ANGEL2: variants seen among roughly 807,000 people sequenced by gnomAD.
ANGEL2 encodes the protein angel homolog 2.
ANGEL2 carries 41 observed loss-of-function variants against 66.0 expected under a neutral mutation model. The ratio of observed to expected loss-of-function variants is 0.62; its 90% CI spans 0.48 to 0.81. ANGEL2 has a LOEUF of 0.81. Ranked by LOEUF, ANGEL2 falls within the 30% of genes least tolerant of loss-of-function variation. The pLI, the probability that ANGEL2 is intolerant of heterozygous loss-of-function variation, is 0.00. For synonymous variants in ANGEL2, 208 were observed against 226.5 expected (o/e 0.92, Z 0.73); for missense variants, 561 against 641.6 (o/e 0.87, Z 1.36).
At position 213,015,644 on chromosome 1, in the gene ANGEL2, C is replaced by T; in HGVS notation, c.28G>A (p.Gly10Ser). 6.2e-7 allele frequency: 1 copy of T among 1,614,180 alleles called. No homozygotes were observed. The highest frequency in any genetic ancestry group is 8.5e-7 in the Non-Finnish European group (1 of 1,180,042). MEAWRCVRK[G>S]YGHCVVGRGR... Reference sequence around the variant, plus strand: ...CTTCCCACCACACAGTGGCCGTAGCCCTTCCTCACACAGCGCCAGGCTTCC... The same window carrying T: ...CTTCCCACCACACAGTGGCCGTAGCTCTTCCTCACACAGCGCCAGGCTTCC... Residue 10 changes from glycine to serine, a missense_variant, in exon 1 of 9, where the codon GGC becomes AGC. Transcript: ENST00000366962.
chr1:213,015,812 G>T lies in ANGEL2; in HGVS notation c.-141C>A. ...GTCCTGGCTGCAAGGCATGCTGGGAGGTGCAGTCTCGCCGGCCGGCCTACA... is the reference window on the plus strand; with the variant it reads ...GTCCTGGCTGCAAGGCATGCTGGGATGTGCAGTCTCGCCGGCCGGCCTACA... On this transcript the variant is annotated 5_prime_UTR_variant, in exon 1 of 9. Transcript: ENST00000366962. 1 of 1,137,608 alleles carries T rather than the reference G, an allele frequency of 8.8e-7. No homozygotes were observed. Among genetic ancestry groups the T allele is most frequent in the Non-Finnish European group, 1.3e-6 (1 of 793,130 alleles). 70.5% of individuals were successfully genotyped at this position (1,137,608 alleles called of 1,614,324 possible).
rs1228596921 is a variant in ANGEL2 at position 213,008,212 on chromosome 1, C to G, written c.640G>C (p.Asp214His). Residue 214 changes from aspartate (D) to histidine (H), a missense_variant and splice_region_variant, in exon 3 of 9, where the codon GAC (aspartate) becomes CAC (histidine). Asp to His is a moderately conservative substitution (Grantham distance 81). Coordinates refer to ENST00000366962, the MANE Select transcript of ANGEL2 (RefSeq NM_144567.5). The stretch of plus-strand genomic sequence containing the variant: ...TTTCAATAATATTTTGCACTTACGT[C>G]TGCATCAAAATGTTTAATTTCTTTC... ...ILKEIKHFDADVLCLQEVQED... is the reference protein window; with the variant it reads ...ILKEIKHFDAHVLCLQEVQED... The G allele has an allele frequency of 6.2e-7, 1 of 1,612,034 alleles. No homozygotes were observed. The highest frequency in any genetic ancestry group is 2.2e-5 in the East Asian group (1 of 44,836).
chr1:212,996,640 A>AAATATATATAT (rs56102625), intron 8 of ANGEL2, among the ~76,000 whole-genome samples: 2 of 66,484 alleles, frequency 3.0e-5, no homozygotes, highest in African/African-American at 1.4e-4. Context: ...AAAAAAAAAA[A>AAATATATATAT]ATATATATAT....
intron 1 of ANGEL2, 110 bp from the exon 2 acceptor site, chr1:213,013,528 G>T: frequency 1.9e-6 from 2 of 1,040,874 alleles, no homozygotes; most frequent in Non-Finnish European, 2.8e-6. Context: ...TTAAAATCTG[G>T]CTGCTAAATC....
intron 8 of ANGEL2, among the ~76,000 whole-genome samples, chr1:212,996,241 A>G (rs984965526): frequency 1.3e-4 from 20 of 152,186 alleles, no homozygotes; most frequent in East Asian, 3.9e-4. Context: ...TGGGAGGCGG[A>G]GCTTGCAGTG....
rs778546219 is a variant in ANGEL2, at chr1:213,005,372, G to A, written c.795C>T (p.Leu265=). The A allele has an allele frequency of 1.9e-6, 3 of 1,614,196 alleles. No homozygotes were observed. The highest frequency in any genetic ancestry group is 1.7e-5 in the Admixed American group (1 of 60,024). The part of the protein sequence containing the change: ...AICFKHSKFS[L]LSVNPVEFFR... ...AGAATTCCACTGGGTTCACTGACAA[G>A]AGTGAAAATTTGGAATGTTTGAAGC... The change falls in exon 5 of 9, where the codon CTC becomes CTT. Residue 265 remains leucine (L), a synonymous_variant. Transcript: ENST00000366962.
chr1:213,006,212 A>C (rs2076323074), intron 4 of ANGEL2, among the ~76,000 whole-genome samples: 1 of 152,190 alleles, frequency 6.6e-6, no homozygotes, highest in African/African-American at 2.4e-5. Flanking sequence ...CTATAATCCC[A>C]GCACTTTGGG....
At chr1:213,007,776 T>C (rs1371389916) in intron 3 of ANGEL2, among the ~76,000 whole-genome samples, 2 of 152,208 alleles carry the variant, frequency 1.3e-5, no homozygotes, top group East Asian at 1.9e-4. Context: ...CTTAAACATA[T>C]TCCTTTCTTA....
intron 2 of ANGEL2, among the ~76,000 whole-genome samples, chr1:213,012,264 AC>A (rs1399948661): frequency 5.7e-5 from 8 of 139,598 alleles, no homozygotes; most frequent in South Asian, 2.5e-4. Flanking sequence ...AGCTCCCTAA[AC>A]ATTAACACCC....
At chr1:213,008,567 C>A in intron 2 of ANGEL2, 101 bp from the exon 3 acceptor site, 1 of 1,356,430 alleles carries the variant, frequency 7.4e-7, no homozygotes, top group Non-Finnish European at 9.9e-7. Flanking sequence ...TTCCCATAAG[C>A]AATGAATAGA....
chr1:213,004,992 A>T (rs2076282076), intron 5 of ANGEL2, 41 bp downstream of exon 5: 1 of 1,453,682 alleles, frequency 6.9e-7, no homozygotes, highest in Non-Finnish European at 9.2e-7. Context: ...TGAGCAGAGC[A>T]ACTATGTCCA....
intron 5 of ANGEL2, chr1:213,001,284 G>T: frequency 4.6e-6 from 1 of 217,792 alleles, no homozygotes; most frequent in African/African-American, 2.4e-5. Context: ...CCACAATAAA[G>T]TGAGTATCTC....
chr1:213,013,236 G>C lies in ANGEL2; in HGVS notation c.242C>G (p.Pro81Arg). The change falls in exon 2 of 9, where the codon CCC becomes CGC. Residue 81 changes from proline to arginine, a missense_variant. By Grantham distance (103) the Pro-to-Arg change is moderately radical. Transcript: ENST00000366962. ...CTGAGTTCTAGACTCAAACAAACAG[G>C]GTGGTCTCCAATTTAGTGAAAAATG... ...SRHFSLNWRP[P>R]CLFESRTQFQ... 1 of 1,614,116 alleles carries C rather than the reference G, an allele frequency of 6.2e-7. No individual in the cohort carries two copies. The highest frequency in any genetic ancestry group is 1.1e-5 in the South Asian group (1 of 91,080).
chr1:212,999,456 T>C (rs1261857411), intron 7 of ANGEL2, among the ~76,000 whole-genome samples: 2 of 152,334 alleles, frequency 1.3e-5, no homozygotes, highest in East Asian at 1.9e-4. Context: ...TTTTAAAATA[T>C]TCATTTAAAA....
intron 1 of ANGEL2, among the ~76,000 whole-genome samples, chr1:213,014,594 C>T (rs935384917): frequency 3.3e-5 from 5 of 152,202 alleles, no homozygotes; most frequent in Non-Finnish European, 7.3e-5. Flanking sequence ...AATACTTGTA[C>T]TACAAAAGCT....
At chr1:213,002,093 C>T (rs2076192859) in intron 5 of ANGEL2, 1 of 152,518 alleles carries the variant, frequency 6.6e-6, no homozygotes, top group Non-Finnish European at 1.5e-5. Context: ...ATTTACTTTC[C>T]CCAGATCCAT....
At position 212,992,990 on chromosome 1, in the gene ANGEL2, A is replaced by G. The variant is rs1251292640; in HGVS notation, c.*2051T>C. Reference sequence around the variant, plus strand: ...ACTATAAAATGTGGGAAATCCTAGAACTATAATTAATACTGTAATTAAAAT... The same window carrying G: ...ACTATAAAATGTGGGAAATCCTAGAGCTATAATTAATACTGTAATTAAAAT... On this transcript the variant is annotated 3_prime_UTR_variant, in exon 9 of 9. Transcript: ENST00000366962. 1.3e-5 allele frequency: 2 copies of G among 152,168 alleles called. No individual in the cohort carries two copies. The highest frequency in any genetic ancestry group is 2.9e-5 in the Non-Finnish European group (2 of 68,028). The allele number at this position is 152,168 out of a possible 1,614,324, so 9.4% of individuals were successfully genotyped here.
chr1:213,013,526 TGGCTGCTAA>T (rs2076562521), intron 1 of ANGEL2, 108 bp from the exon 2 acceptor site: 2 of 1,053,200 alleles, frequency 1.9e-6, no homozygotes, highest in Non-Finnish European at 2.7e-6. Context: ...ATTTAAAATC[TGGCTGCTAA>T]ATCTGTGAAG....
chr1:213,015,744 T>C lies in ANGEL2; in HGVS notation c.-73A>G, dbSNP rs1340661793. On this transcript the variant is annotated 5_prime_UTR_variant, in exon 1 of 9. Transcript: ENST00000366962. ...AATCTCTATAATCGATGCGACGGCC[T>C]AAAGTATCTAGGGAACCCCATCACT... 1.2e-6 allele frequency: 2 copies of C among 1,602,020 alleles called. No individual in the cohort carries two copies. The highest frequency in any genetic ancestry group is 1.6e-4 in the Middle Eastern group (1 of 6,068).
Sources: gnomAD v4.1 joint callset for allele counts (sites outside exome capture counted in the v4.1 genomes callset) on GRCh38, gnomAD v4.1.1 for gene constraint, MANE v1.5 for transcripts, NCBI Gene and HGNC (gene_info 2026-07-23, HGNC 2026-07-21) for gene names.